Variants in AOPEP observed in about 807,000 individuals in gnomAD.
AOPEP encodes the protein aminopeptidase O (putative).
Under a neutral mutation model 98.1 loss-of-function variants are expected in AOPEP, and 77 were observed. The observed-to-expected ratio is 0.78, with a 90% CI of 0.65 to 0.95. AOPEP has a LOEUF of 0.95. AOPEP is among the 40% of genes least tolerant of loss of function. AOPEP has a pLI of 0.00. For synonymous variants in AOPEP, 346 were observed against 365.3 expected (o/e 0.95, Z 0.60); for missense variants, 1,024 against 1,024.7 (o/e 1.00, Z 0.01).
chr9:94,952,422 G>A (rs1022814162), intron 7 of AOPEP, among the ~76,000 whole-genome samples: 2 of 152,194 alleles, frequency 1.3e-5, no homozygotes, highest in Non-Finnish European at 2.9e-5. Context: ...TTTCTCTGCT[G>A]TCTGTCAACA....
intron 13 of AOPEP, among the ~76,000 whole-genome samples, chr9:95,014,838 A>C (rs2062849828): frequency 6.6e-6 from 1 of 152,224 alleles, no homozygotes; most frequent in Non-Finnish European, 1.5e-5. Flanking sequence ...TCTATTTTTC[A>C]GATAATGAGG....
At chr9:95,022,401 G>C (rs943383356) in intron 13 of AOPEP, 5 of 152,112 alleles carry the variant, frequency 3.3e-5, no homozygotes, top group African/African-American at 1.2e-4. Flanking sequence ...GCAATGGTGC[G>C]ATCTTGGTTC....
chr9:94,973,235 G>A (rs886687652), intron 10 of AOPEP, among the ~76,000 whole-genome samples: 3 of 152,160 alleles, frequency 2.0e-5, no homozygotes, highest in African/African-American at 7.2e-5. Flanking sequence ...CTCAAGAGCT[G>A]AAGACAGGAG....
intron 5 of AOPEP, among the ~76,000 whole-genome samples, chr9:94,861,807 C>T (rs1222888236): frequency 6.6e-6 from 1 of 152,232 alleles, no homozygotes; most frequent in Non-Finnish European, 1.5e-5. Flanking sequence ...GCCATCCTCC[C>T]TGTAACTGCA....
intron 5 of AOPEP, among the ~76,000 whole-genome samples, chr9:94,846,263 C>G (rs1466429595): frequency 6.6e-6 from 1 of 152,008 alleles, no homozygotes; most frequent in Non-Finnish European, 1.5e-5. Context: ...GAAAGAAGAT[C>G]AGTGGTGTGC....
chr9:95,027,078 T>C (rs928388574), intron 13 of AOPEP, among the ~76,000 whole-genome samples: 2 of 152,036 alleles, frequency 1.3e-5, no homozygotes, highest in Non-Finnish European at 2.9e-5. Context: ...CTGGGCAACA[T>C]GGCGAAACCC....
chr9:95,078,964 T>C (rs2069395817), intron 14 of AOPEP, among the ~76,000 whole-genome samples: 1 of 152,214 alleles, frequency 6.6e-6, no homozygotes, highest in South Asian at 2.1e-4. Context: ...TCTTGTATAG[T>C]GTGTCGTTAA....
At chr9:95,118,067 G>A in the AOPEP span, among the ~76,000 whole-genome samples, 1 of 152,066 alleles carries the variant, frequency 6.6e-6, no homozygotes, top group African/African-American at 2.4e-5. Flanking sequence ...TGCGCAGGCT[G>A]GAGTGCAGAG....
chr9:94,974,957 G>A (rs1434407224), intron 10 of AOPEP, among the ~76,000 whole-genome samples: 2 of 152,160 alleles, frequency 1.3e-5, no homozygotes, highest in Non-Finnish European at 2.9e-5. Context: ...TGGTCATTTG[G>A]CTGGGTGTGG....
chr9:94,874,178 C>T (rs190961439), intron 5 of AOPEP, among the ~76,000 whole-genome samples: 51 of 152,218 alleles, frequency 3.4e-4, no homozygotes, highest in African/African-American at 1.2e-3. Context: ...AAGCATTATA[C>T]AGTTCTCCAA....
chr9:94,860,748 G>T (rs1172198138), intron 5 of AOPEP, among the ~76,000 whole-genome samples: 1 of 152,158 alleles, frequency 6.6e-6, no homozygotes, highest in Non-Finnish European at 1.5e-5. Flanking sequence ...ACAGGAAGAG[G>T]AGCAGATTAG....
chr9:94,949,765 A>T lies in AOPEP; in HGVS notation c.1662-5412A>T, dbSNP rs994894933. On this transcript the variant is annotated intron_variant, in intron 7 of 16. Transcript: ENST00000375315. ...ATTATTCACAGTTTATAGATAGGAA[A>T]ATTGTCACCGAAAACAAACAGTGGA... 4.6e-5 allele frequency among the ~76,000 whole-genome samples: 7 copies of T among 152,202 alleles called. No individual in the cohort carries two copies. The East Asian group carries it at 1.3e-3, about 29-fold the overall frequency.
At position 94,975,943 on chromosome 9, in the gene AOPEP, C is replaced by T. The variant is rs150635627; in HGVS notation, c.1917-3424C>T. Among the ~76,000 whole-genome samples the T allele has an allele frequency of 1.2e-4, 18 of 152,360 alleles. No individual in the cohort carries two copies. The East Asian group carries it at 3.5e-3, about 29-fold the overall frequency. On this transcript the variant is annotated intron_variant, in intron 10 of 16. Coordinates refer to ENST00000375315, the MANE Select transcript of AOPEP (RefSeq NM_001193329.3). ...TACTGCACTGGCATTCCTGCTCCTG[C>T]TATCTTTGCCCCGATGTGCTTTTCT...
At chr9:94,753,091 C>T (rs569056730) in intron 1 of AOPEP, among the ~76,000 whole-genome samples, 54 of 152,294 alleles carry the variant, frequency 3.5e-4, no homozygotes, top group Middle Eastern at 6.8e-3. Context: ...GTAACATAGA[C>T]AGATTCATAA....
At chr9:94,940,831 G>C (rs2056934697) in intron 7 of AOPEP, among the ~76,000 whole-genome samples, 1 of 152,068 alleles carries the variant, frequency 6.6e-6, no homozygotes, top group African/African-American at 2.4e-5. Flanking sequence ...CTCTGGAGCT[G>C]GGCCCTTCCC....
chr9:94,895,232 AATAAAAT>A, intron 5 of AOPEP, among the ~76,000 whole-genome samples: 3 of 25,016 alleles, frequency 1.2e-4, no homozygotes, highest in African/African-American at 2.2e-4. Flanking sequence ...AAAAAAATAA[AATAAAAT>A]AAAAAAAAAA....
Position 94,804,159 on chromosome 9 carries a change from ACT to A in AOPEP, c.1364+3162_1364+3163del, listed in dbSNP as rs553349426. Among the ~76,000 whole-genome samples the A allele has an allele frequency of 1.1e-4, 16 of 152,026 alleles. No homozygotes were observed. In the East Asian group the frequency reaches 2.3e-3, roughly 22 times the overall value. On this transcript the variant is annotated intron_variant, in intron 5 of 16. Coordinates refer to ENST00000375315, the MANE Select transcript of AOPEP (RefSeq NM_001193329.3). ...GAAAGGAGCTCATCATCACACTTAC[ACT>A]CTCTGTTATAACAGCAGTAACGTTA...
chr9:94,828,093 G>A (rs571433714), intron 5 of AOPEP, among the ~76,000 whole-genome samples: 1 of 152,168 alleles, frequency 6.6e-6, no homozygotes, highest in Non-Finnish European at 1.5e-5. Flanking sequence ...TGGTCAGCAC[G>A]GGGAATATTT....
chr9:95,117,409 T>A, the AOPEP span: 3 of 1,608,270 alleles, frequency 1.9e-6, no homozygotes, highest in Non-Finnish European at 2.6e-6. Context: ...GGATGGAAAA[T>A]CCAAAGAGCA....
Sources: gnomAD v4.1 joint callset for allele counts (sites outside exome capture counted in the v4.1 genomes callset) on GRCh38, gnomAD v4.1.1 for gene constraint, MANE v1.5 for transcripts, NCBI Gene and HGNC (gene_info 2026-07-23, HGNC 2026-07-21) for gene names.